The following ARIH1 variants were observed in gnomAD, a reference collection of about 807,000 sequenced individuals.
ARIH1 encodes E3 ubiquitin-protein ligase ARIH1.
ARIH1 carries 8 observed loss-of-function variants against 85.0 expected under a neutral mutation model. That is an observed-to-expected ratio of 0.09 (90% CI 0.06 to 0.17). The LOEUF is 0.17. Ranked by LOEUF, ARIH1 falls within the 10% of genes least tolerant of loss-of-function variation. The pLI is 1.00. For missense variants in ARIH1, 311 were observed against 718.1 expected, an observed-to-expected ratio of 0.43 and a Z score of 6.48; for synonymous variants, 238 against 253.6, an observed-to-expected ratio of 0.94 and a Z score of 0.59.
intron 11 of ARIH1, among the ~76,000 whole-genome samples, chr15:72,577,490 T>C (rs1211570764): frequency 6.6e-6 from 1 of 151,806 alleles, no homozygotes; most frequent in Non-Finnish European, 1.5e-5. Flanking sequence ...CTGGCCAACA[T>C]GGTGAAACCC....
chr15:72,517,883 A>T (rs916726812), intron 1 of ARIH1, among the ~76,000 whole-genome samples, 184 bp from the exon 2 acceptor site: 8 of 152,170 alleles, frequency 5.3e-5, no homozygotes, highest in Non-Finnish European at 1.0e-4. Context: ...GTAGTGTGGC[A>T]GACTATGTTT....
chr15:72,529,400 G>C (rs911786395), intron 2 of ARIH1, among the ~76,000 whole-genome samples: 3 of 152,140 alleles, frequency 2.0e-5, no homozygotes, highest in African/African-American at 7.2e-5. Flanking sequence ...ACAACACCTA[G>C]CAAATTTTTT....
intron 7 of ARIH1, among the ~76,000 whole-genome samples, chr15:72,564,678 C>A (rs544543664): frequency 9.9e-5 from 15 of 152,162 alleles, no homozygotes; most frequent in Non-Finnish European, 1.9e-4. Flanking sequence ...ATAAACTGGG[C>A]GGCTTCTAAA....
At position 72,495,449 on chromosome 15, in the gene ARIH1, C is replaced by G. The variant is rs2063876184; in HGVS notation, c.375+20435C>G. On this transcript the variant is annotated intron_variant, in intron 1 of 13. Transcript: ENST00000379887. ...CTTTTATAGCTTTTCTTCTTTTGGT[C>G]AAGGATCATGGATTGCATTTGGTTA... Among the ~76,000 whole-genome samples the G allele has an allele frequency of 2.6e-5, 4 of 152,158 alleles. No homozygotes were observed. The South Asian group carries it at 8.3e-4, about 31-fold the overall frequency.
chr15:72,589,976 T>A lies in ARIH1; in HGVS notation c.*6684T>A, dbSNP rs559604542. The A allele has an allele frequency of 6.6e-6, 1 of 152,206 alleles. No individual in the cohort carries two copies. Among genetic ancestry groups the A allele is most frequent in the Non-Finnish European group, 1.5e-5 (1 of 68,026 alleles). 9.4% of individuals were successfully genotyped at this position (152,206 alleles called of 1,614,324 possible). A position where few individuals can be genotyped will look rare whatever the true frequency, so the allele number is the denominator to read the frequency against. The stretch of plus-strand genomic sequence containing the variant: ...TCCTAGCTCTTCCATCTCAGTCTTA[T>A]GATGTAGTTACTATTTTCATTTTAT... On this transcript the variant is annotated 3_prime_UTR_variant, in exon 14 of 14. Transcript: ENST00000379887.
chr15:72,484,736 T>C (rs1388502275), intron 1 of ARIH1, among the ~76,000 whole-genome samples: 1 of 148,768 alleles, frequency 6.7e-6, no homozygotes, highest in Non-Finnish European at 1.5e-5. Flanking sequence ...TGTGTATATA[T>C]GTATATATAT....
intron 2 of ARIH1, among the ~76,000 whole-genome samples, chr15:72,541,949 TG>T (rs2064109241): frequency 6.6e-6 from 1 of 152,082 alleles, no homozygotes. Context: ...CCTTATCTAA[TG>T]GGGGTGGAAG....
rs972468873 is a variant in ARIH1 at position 72,591,219 on chromosome 15, C to CAAAAAAA, written c.*7945_*7951dup. ...CCTGGGCGACAGAGAGACTCTGTCT[C>CAAAAAAA]AAAAAAAAAAAAAAAAAAAAAAAAG... On this transcript the variant is annotated 3_prime_UTR_variant, in exon 14 of 14. Transcript: ENST00000379887. 1.4e-4 allele frequency: 6 copies of CAAAAAAA among 44,082 alleles called. No homozygotes were observed. The highest frequency in any genetic ancestry group is 2.3e-4 in the Admixed American group (1 of 4,260). 2.7% of individuals were successfully genotyped at this position (44,082 alleles called of 1,614,324 possible).
chr15:72,496,632 A>G (rs1038501156), intron 1 of ARIH1, among the ~76,000 whole-genome samples: 3 of 152,238 alleles, frequency 2.0e-5, no homozygotes, highest in Non-Finnish European at 2.9e-5. Flanking sequence ...GATGGTTGCA[A>G]ATACCAAGTT....
rs2063787786 is a variant in ARIH1, at chr15:72,474,888, CGGCGGCGGTGGT to C, written c.252_263del (p.Gly87_Gly90del). On this transcript the variant is annotated inframe_deletion, in exon 1 of 14. Coordinates refer to ENST00000379887, the MANE Select transcript of ARIH1 (RefSeq NM_005744.5). The stretch of plus-strand genomic sequence containing the variant: ...GGCCCGGCGGTGGCGGCGGCGGCGG[CGGCGGCGGTGGT>C]GGTGGCGGGCCGGGGCATGAGCAGG... The C allele has an allele frequency of 5.6e-6, 8 of 1,427,934 alleles. No homozygotes were observed. The highest frequency in any genetic ancestry group is 1.5e-5 in the African/African-American group (1 of 67,506). 88.5% of individuals were successfully genotyped at this position (1,427,934 alleles called of 1,614,324 possible).
Position 72,474,924 on chromosome 15 carries a change from G to T in ARIH1, c.285G>T (p.Gln95His), listed in dbSNP as rs957384868. The T allele has an allele frequency of 4.1e-5, 62 of 1,523,840 alleles. No homozygotes were observed. Among genetic ancestry groups the T allele is most frequent in the Non-Finnish European group, 5.5e-5 (62 of 1,134,122 alleles). 94.4% of individuals were successfully genotyped at this position (1,523,840 alleles called of 1,614,324 possible). Residue 95 changes from glutamine to histidine, a missense_variant, in exon 1 of 14, where the codon CAG becomes CAT. Gln to His is a conservative substitution (Grantham distance 24). Around this residue, in one of 3 missense-constraint regions of ARIH1, gnomAD observed 157 missense variants for 185.1 expected, o/e 0.85. Transcript: ENST00000379887. ...GGGGGGPGHE[Q>H]EEDYRYEVLT... ...GTGGTGGCGGGCCGGGGCATGAGCA[G>T]GAGGAGGATTACCGCTACGAGGTGC...
rs542787570 is a variant in ARIH1 at position 72,494,704 on chromosome 15, A to C, written c.375+19690A>C. On this transcript the variant is annotated intron_variant, in intron 1 of 13. Transcript: ENST00000379887. ...AGGAAATAAATGAGAACAGGACGGG[A>C]TTAGGAAACTGGGAGAGTAGTGAGT... Among the ~76,000 whole-genome samples the C allele has an allele frequency of 3.9e-5, 6 of 152,150 alleles. No individual in the cohort carries two copies. In the South Asian group the frequency reaches 1.0e-3, roughly 26 times the overall value.
intron 12 of ARIH1, 143 bp from the exon 13 acceptor site, chr15:72,581,932 A>G (rs774928962): frequency 1.2e-4 from 67 of 540,884 alleles, no homozygotes; most frequent in Non-Finnish European, 2.1e-4. Flanking sequence ...ATGAAAGCCC[A>G]TAGAGCTTTA....
At chr15:72,487,351 C>A (rs1012851837) in intron 1 of ARIH1, among the ~76,000 whole-genome samples, 1 of 152,166 alleles carries the variant, frequency 6.6e-6, no homozygotes, top group Non-Finnish European at 1.5e-5. Context: ...GCTCTAATTA[C>A]CTGGTAATAT....
At chr15:72,536,244 T>C (rs2064081314) in intron 2 of ARIH1, among the ~76,000 whole-genome samples, 1 of 152,232 alleles carries the variant, frequency 6.6e-6, no homozygotes. Context: ...ATGTCCTCCA[T>C]ACTTTTATTT....
At chr15:72,507,913 A>G (rs1274385940) in intron 1 of ARIH1, among the ~76,000 whole-genome samples, 1 of 152,210 alleles carries the variant, frequency 6.6e-6, no homozygotes, top group Non-Finnish European at 1.5e-5. Flanking sequence ...TGCCACATTC[A>G]TGGGAGTTCT....
chr15:72,541,186 G>T (rs1220731958), intron 2 of ARIH1, among the ~76,000 whole-genome samples: 3 of 152,186 alleles, frequency 2.0e-5, no homozygotes, highest in African/African-American at 4.8e-5. Context: ...TGAGGGTTTA[G>T]CATTTTCTTT....
intron 1 of ARIH1, among the ~76,000 whole-genome samples, chr15:72,513,091 C>T (rs1425338803): frequency 5.3e-5 from 8 of 151,718 alleles, no homozygotes; most frequent in African/African-American, 1.9e-4. Flanking sequence ...AGAGTTTTGC[C>T]CTTTTTAAAA....
rs1045767898 is a variant in ARIH1 at position 72,593,340 on chromosome 15, T to C, written c.*10048T>C. The C allele has an allele frequency of 1.3e-5, 2 of 152,222 alleles. No individual in the cohort carries two copies. Among genetic ancestry groups the C allele is most frequent in the Non-Finnish European group, 2.9e-5 (2 of 68,026 alleles). The allele number at this position is 152,222 out of a possible 1,614,324, so 9.4% of individuals were successfully genotyped here. A position where few individuals can be genotyped will look rare whatever the true frequency, so the allele number is the denominator to read the frequency against. On this transcript the variant is annotated 3_prime_UTR_variant, in exon 14 of 14. Transcript: ENST00000379887. ...TTTAAAGACTCTATGTATTCACTTATTGGGATCTTTCGATGAACAAATTTT... is the reference window on the plus strand; with the variant it reads ...TTTAAAGACTCTATGTATTCACTTACTGGGATCTTTCGATGAACAAATTTT...
Sources: allele counts gnomAD v4.1 joint callset (sites outside exome capture counted in the v4.1 genomes callset), GRCh38; gene constraint gnomAD v4.1.1; regional missense constraint gnomAD v4.1.1; transcripts MANE v1.5; gene names NCBI Gene and HGNC (gene_info 2026-07-23, HGNC 2026-07-21).